NRG3: variants seen among roughly 807,000 people sequenced by gnomAD.
NRG3 encodes pro-neuregulin-3, membrane-bound isoform.
NRG3 carries 31 observed loss-of-function variants against 66.9 expected under a neutral mutation model. The observed-to-expected ratio is 0.46, with a 90% CI of 0.35 to 0.63. The LOEUF is 0.63. Among genes scored for constraint, NRG3 ranks in the 20% least tolerant of loss-of-function variants. NRG3 has a pLI of 0.00. For synonymous variants in NRG3, 393 were observed against 359.4 expected (o/e 1.09, Z -1.06); for missense variants, 910 against 878.9 (o/e 1.04, Z -0.45).
chr10:82,683,375 C>T (rs1265203594), intron 2 of NRG3, among the ~76,000 whole-genome samples: 1 of 151,792 alleles, frequency 6.6e-6, no homozygotes, highest in East Asian at 1.9e-4. Flanking sequence ...ACAGTATATA[C>T]TGTAGAACCT....
chr10:82,356,397 T>A (rs1356255400), intron 1 of NRG3, among the ~76,000 whole-genome samples: 1 of 152,226 alleles, frequency 6.6e-6, no homozygotes, highest in African/African-American at 2.4e-5. Flanking sequence ...CATGAGTTAA[T>A]ATACTTCAGC....
chr10:82,437,344 G>A (rs913100779), intron 2 of NRG3, among the ~76,000 whole-genome samples: 15 of 151,492 alleles, frequency 9.9e-5, no homozygotes, highest in African/African-American at 3.6e-4. Context: ...TGATACTTAT[G>A]TATGCTTCAT....
intron 1 of NRG3, among the ~76,000 whole-genome samples, chr10:81,961,034 T>A (rs1850308386): frequency 6.6e-6 from 1 of 152,184 alleles, no homozygotes; most frequent in Non-Finnish European, 1.5e-5. Context: ...TTGGCTTACC[T>A]GCACCTTCTA....
At chr10:82,546,273 A>G (rs561564111) in intron 2 of NRG3, among the ~76,000 whole-genome samples, 1 of 152,308 alleles carries the variant, frequency 6.6e-6, no homozygotes, top group East Asian at 1.9e-4. Flanking sequence ...TACAATTTGA[A>G]CTACACTAGA....
intron 3 of NRG3, among the ~76,000 whole-genome samples, chr10:82,755,891 C>G (rs533157282): frequency 2.6e-5 from 4 of 152,206 alleles, no homozygotes; most frequent in African/African-American, 9.6e-5. Context: ...TTTACTTGTT[C>G]CTTGTAAACC....
chr10:82,909,387 AAGATTCTTGATCATTGAC>A (rs1845096762), intron 4 of NRG3, among the ~76,000 whole-genome samples: 2 of 152,314 alleles, frequency 1.3e-5, no homozygotes, highest in South Asian at 4.2e-4. Context: ...TCCAAAATCT[AAGATTCTTGATCATTGAC>A]ATGATGCTAC....
At chr10:82,035,739 G>T (rs2062766090) in intron 1 of NRG3, among the ~76,000 whole-genome samples, 1 of 152,016 alleles carries the variant, frequency 6.6e-6, no homozygotes, top group Non-Finnish European at 1.5e-5. Context: ...AGTGTTAGGT[G>T]CAATTATTTT....
At chr10:82,495,752 A>G (rs931184546) in intron 2 of NRG3, among the ~76,000 whole-genome samples, 4 of 151,902 alleles carry the variant, frequency 2.6e-5, no homozygotes, top group Non-Finnish European at 4.4e-5. Context: ...GTAAATCCAT[A>G]TATGTCCATC....
intron 1 of NRG3, among the ~76,000 whole-genome samples, chr10:82,118,314 G>C (rs1454772368): frequency 6.6e-6 from 1 of 151,490 alleles, no homozygotes; most frequent in Non-Finnish European, 1.5e-5. Context: ...TTTCCTTTCT[G>C]ATTCATGCCT....
chr10:82,500,823 A>T (rs1844105132), intron 2 of NRG3, among the ~76,000 whole-genome samples: 1 of 152,152 alleles, frequency 6.6e-6, no homozygotes, highest in Non-Finnish European at 1.5e-5. Flanking sequence ...AAACCTGTGG[A>T]AAAACATGAG....
chr10:81,995,704 G>A (rs1385065043), intron 1 of NRG3, among the ~76,000 whole-genome samples: 2 of 152,134 alleles, frequency 1.3e-5, no homozygotes, highest in Non-Finnish European at 2.9e-5. Flanking sequence ...TCTGGAGATA[G>A]GAAGTAGTTG....
intron 1 of NRG3, among the ~76,000 whole-genome samples, chr10:82,026,224 T>A (rs2062299349): frequency 6.6e-6 from 1 of 152,104 alleles, no homozygotes. Flanking sequence ...CACAGGTTAG[T>A]TACGTGTACA....
At chr10:82,721,446 G>C (rs2057317290) in intron 2 of NRG3, among the ~76,000 whole-genome samples, 1 of 145,530 alleles carries the variant, frequency 6.9e-6, no homozygotes, top group Non-Finnish European at 1.5e-5. Flanking sequence ...CCTTGAAACA[G>C]AGTTTCACTC....
chr10:82,343,420 C>A (rs2082787364), intron 1 of NRG3, among the ~76,000 whole-genome samples: 1 of 152,034 alleles, frequency 6.6e-6, no homozygotes, highest in South Asian at 2.1e-4. Flanking sequence ...GAAAATCACC[C>A]CATGCTCATG....
chr10:82,582,698 GTT>G (rs556085628), intron 2 of NRG3, among the ~76,000 whole-genome samples: 6 of 148,334 alleles, frequency 4.0e-5, no homozygotes, highest in African/African-American at 1.5e-4. Context: ...GTGTGTGTGT[GTT>G]TTATACACAT....
At chr10:82,167,739 A>G (rs1406465590) in intron 1 of NRG3, among the ~76,000 whole-genome samples, 3 of 152,040 alleles carry the variant, frequency 2.0e-5, no homozygotes, top group Non-Finnish European at 1.5e-5. Flanking sequence ...ATATTTGCTT[A>G]TATTTACCAC....
chr10:82,602,418 A>G (rs12413431), intron 2 of NRG3, among the ~76,000 whole-genome samples: 15,721 of 152,028 alleles, frequency 0.1, 997 homozygotes, highest in South Asian at 0.22. Flanking sequence ...ACTGTTAAAG[A>G]ATGATCCTCT....
chr10:82,657,422 C>G (rs1029813006), intron 2 of NRG3, among the ~76,000 whole-genome samples: 20 of 151,694 alleles, frequency 1.3e-4, no homozygotes, highest in African/African-American at 4.8e-4. Flanking sequence ...TTTTAGATGT[C>G]AATATTATTT....
chr10:82,709,736 C>T (rs1307846782), intron 2 of NRG3, among the ~76,000 whole-genome samples: 22 of 152,124 alleles, frequency 1.4e-4, no homozygotes. Flanking sequence ...GAAAGCCTTA[C>T]TTTATTTCCC....
Sources: allele counts gnomAD v4.1 joint callset (sites outside exome capture counted in the v4.1 genomes callset), GRCh38; gene constraint gnomAD v4.1.1; transcripts MANE v1.5; gene names NCBI Gene and HGNC (gene_info 2026-07-23, HGNC 2026-07-21).